The following TULP4 variants were observed in gnomAD, a reference collection of about 807,000 sequenced individuals.
TULP4 encodes TUB like protein 4, also known as tubby-related protein 4.
Under a neutral mutation model 129.0 loss-of-function variants are expected in TULP4, and 16 were observed. That is an observed-to-expected ratio of 0.12 (90% confidence interval 0.08 to 0.19). TULP4 has a LOEUF of 0.19. Among genes scored for constraint, TULP4 ranks in the 10% least tolerant of loss-of-function variants. The pLI is 1.00. For missense variants in TULP4, 1,842 were observed against 2,059.1 expected (o/e 0.89, Z 2.04); for synonymous variants, 998 against 854.0 (o/e 1.17, Z -2.94).
chr6:158,236,799 T>C (rs1054626503), intron 1 of TULP4, among the ~76,000 whole-genome samples: 2 of 25,684 alleles, frequency 7.8e-5, no homozygotes, highest in Admixed American at 6.4e-4. Context: ...TCTTTTCTTT[T>C]TTTTTTTTTT....
chr6:158,482,933 A>G (rs1363572018), intron 8 of TULP4, among the ~76,000 whole-genome samples: 1 of 152,224 alleles, frequency 6.6e-6, no homozygotes, highest in Non-Finnish European at 1.5e-5. Flanking sequence ...CATGTTTATC[A>G]GCTCGTATCA....
chr6:158,408,156 T>C (rs1299685091), intron 1 of TULP4, among the ~76,000 whole-genome samples: 1 of 152,164 alleles, frequency 6.6e-6, no homozygotes, highest in African/African-American at 2.4e-5. Flanking sequence ...CGGAGCGCAG[T>C]GTACCGTATG....
chr6:158,459,446 A>G (rs1382358876), intron 5 of TULP4, among the ~76,000 whole-genome samples: 1 of 151,762 alleles, frequency 6.6e-6, no homozygotes, highest in South Asian at 2.1e-4. Flanking sequence ...AAAAAAAAGA[A>G]GTCCCTGAGA....
At chr6:158,492,988 G>A (rs972430532) in intron 9 of TULP4, among the ~76,000 whole-genome samples, 3 of 152,224 alleles carry the variant, frequency 2.0e-5, no homozygotes, top group Non-Finnish European at 4.4e-5. Flanking sequence ...AATTCACACT[G>A]TTGCAGAAGA....
intron 1 of TULP4, among the ~76,000 whole-genome samples, chr6:158,243,344 T>C (rs149805441): frequency 6.6e-6 from 1 of 152,224 alleles, no homozygotes; most frequent in East Asian, 1.9e-4. Context: ...AATTTTTTCT[T>C]AGTATCATCA....
At chr6:158,341,361 A>G (rs1290516193) in intron 1 of TULP4, among the ~76,000 whole-genome samples, 7 of 152,106 alleles carry the variant, frequency 4.6e-5, no homozygotes, top group Admixed American at 3.3e-4. Context: ...GGTTAATTCC[A>G]TATCTTGGTT....
intron 8 of TULP4, among the ~76,000 whole-genome samples, chr6:158,483,792 A>G (rs985751394): frequency 4.6e-5 from 7 of 152,182 alleles, no homozygotes; most frequent in Admixed American, 3.9e-4. Flanking sequence ...GCCTACAAAC[A>G]TGCGACTTAA....
chr6:158,454,030 C>A (rs1026542727), intron 5 of TULP4, among the ~76,000 whole-genome samples: 1 of 147,258 alleles, frequency 6.8e-6, no homozygotes, highest in African/African-American at 2.5e-5. Context: ...CGCCCCCCCC[C>A]AAGTAATTAC....
intron 6 of TULP4, among the ~76,000 whole-genome samples, chr6:158,472,709 T>A (rs1779717924): frequency 6.6e-6 from 1 of 152,170 alleles, no homozygotes; most frequent in Non-Finnish European, 1.5e-5. Context: ...TTAATTAGAT[T>A]GTAGGGTATT....
chr6:158,473,739 T>G (rs1779746912), intron 6 of TULP4, among the ~76,000 whole-genome samples: 1 of 152,156 alleles, frequency 6.6e-6, no homozygotes, highest in African/African-American at 2.4e-5. Context: ...CAGGCTGGTC[T>G]CAAACTCCTG....
intron 1 of TULP4, among the ~76,000 whole-genome samples, chr6:158,332,559 C>G (rs1298327068): frequency 1.3e-5 from 2 of 152,054 alleles, no homozygotes; most frequent in Non-Finnish European, 2.9e-5. Flanking sequence ...GAAGGAGTGA[C>G]TACTCACTTT....
Position 158,503,856 on chromosome 6 carries a change from A to C in TULP4, c.4193A>C (p.Lys1398Thr). 6.2e-7 allele frequency: 1 copy of C among 1,614,108 alleles called. No homozygotes were observed. Among genetic ancestry groups the C allele is most frequent in the Non-Finnish European group, 8.5e-7 (1 of 1,180,044 alleles). The change falls in exon 13 of 14, where the codon AAG (lysine) becomes ACG (threonine). Residue 1398 changes from lysine to threonine, a missense_variant. Transcript: ENST00000367097. This position sits in a 1 kb window ranked among gnomAD's most constrained non-coding sequence, Gnocchi z 4.3. ...KDQLKSKKLNKTNEFQDSSES... is the reference protein window; with the variant it reads ...KDQLKSKKLNTTNEFQDSSES... The stretch of plus-strand genomic sequence containing the variant: ...CAACTGAAGTCAAAGAAGTTGAATA[A>C]GACAAACGAGTTCCAGGACAGCTCC...
intron 3 of TULP4, among the ~76,000 whole-genome samples, chr6:158,434,788 G>T (rs145293226): frequency 1.3e-5 from 2 of 152,288 alleles, no homozygotes; most frequent in African/African-American, 4.8e-5. Context: ...GTCCTCCTAG[G>T]GCGGTGACCA....
At chr6:158,376,736 T>C (rs1303451032) in intron 1 of TULP4, among the ~76,000 whole-genome samples, 2 of 152,144 alleles carry the variant, frequency 1.3e-5, no homozygotes, top group Admixed American at 6.5e-5. Context: ...CAATGAGACA[T>C]AGGAGAAGTT....
intron 1 of TULP4, among the ~76,000 whole-genome samples, chr6:158,258,185 C>T (rs1379470051): frequency 1.3e-5 from 2 of 152,220 alleles, no homozygotes; most frequent in African/African-American, 4.8e-5. Flanking sequence ...GGATTCTGGG[C>T]TGTCTACGGA....
At chr6:158,379,137 G>C (rs1352946086) in intron 1 of TULP4, among the ~76,000 whole-genome samples, 2 of 152,210 alleles carry the variant, frequency 1.3e-5, no homozygotes, top group Non-Finnish European at 2.9e-5. Flanking sequence ...CTGGATTCGG[G>C]ATGTATTCTG....
chr6:158,480,206 T>A (rs1034811336), intron 7 of TULP4, among the ~76,000 whole-genome samples: 3 of 152,262 alleles, frequency 2.0e-5, no homozygotes, highest in African/African-American at 7.2e-5. Context: ...AAAGCTGGTA[T>A]TCCTGGACTT....
chr6:158,469,313 A>G (rs1022354119), intron 6 of TULP4, among the ~76,000 whole-genome samples: 4 of 150,654 alleles, frequency 2.7e-5, no homozygotes, highest in African/African-American at 9.8e-5. Flanking sequence ...TCACTCTGTC[A>G]TTCAGGCTGG....
chr6:158,414,311 A>C (rs966425004), intron 2 of TULP4, among the ~76,000 whole-genome samples: 1 of 152,234 alleles, frequency 6.6e-6, no homozygotes, highest in Non-Finnish European at 1.5e-5. Context: ...AGATGTAGAC[A>C]TCTTCATGTG....
Sources: allele counts gnomAD v4.1 joint callset (sites outside exome capture counted in the v4.1 genomes callset), GRCh38; gene constraint gnomAD v4.1.1; non-coding constraint Gnocchi (gnomAD v3.1); transcripts MANE v1.5; gene names NCBI Gene and HGNC (gene_info 2026-07-23, HGNC 2026-07-21).